SLIT1: variants seen among roughly 807,000 people sequenced by gnomAD.
SLIT1 encodes the protein slit homolog 1 protein.
SLIT1 carries 66 observed loss-of-function variants against 186.1 expected under a neutral mutation model. The observed-to-expected ratio is 0.35, with a 90% CI of 0.29 to 0.44. The LOEUF (loss-of-function observed/expected upper bound fraction) is 0.44, where lower values mean the gene tolerates loss of function less well. Ranked by LOEUF, SLIT1 falls within the 20% of genes least tolerant of loss-of-function variation. The pLI, the probability that SLIT1 is intolerant of heterozygous loss-of-function variation, is 1.00. For synonymous variants in SLIT1, 761 were observed against 833.8 expected (o/e 0.91, Z 1.50); for missense variants, 1,638 against 2,037.4 (o/e 0.80, Z 3.77).
chr10:97,015,480 A>G (rs1316137816), intron 28 of SLIT1, among the ~76,000 whole-genome samples: 2 of 152,228 alleles, frequency 1.3e-5, no homozygotes, highest in African/African-American at 4.8e-5. Context: ...CATGGCTATA[A>G]TAAAACTCCT....
At chr10:97,071,135 T>C (rs974210750) in intron 4 of SLIT1, among the ~76,000 whole-genome samples, 4 of 152,148 alleles carry the variant, frequency 2.6e-5, no homozygotes, top group Non-Finnish European at 5.9e-5. Flanking sequence ...TGGTTGCTTC[T>C]TTAGAGGATT....
intron 1 of SLIT1, among the ~76,000 whole-genome samples, chr10:97,182,525 C>T (rs921878320): frequency 2.6e-5 from 4 of 152,368 alleles, no homozygotes; most frequent in East Asian, 1.9e-4. Context: ...AGCTCTTTCA[C>T]GGGCTGCCTG....
At position 97,185,516 on chromosome 10, in the gene SLIT1, C is replaced by G; in HGVS notation, c.159G>C (p.Gln53His). ...TCCGAGGTATATTCTTGGGAATGGC[C>G]TGCAGCCCCGTGCCGTGGCAGTCCA... is the stretch of plus-strand genomic sequence containing the variant. ...TTVDCHGTGL[Q>H]AIPKNIPRNT... Residue 53 changes from glutamine (Q) to histidine (H), a missense_variant, in exon 1 of 37, where the codon CAG becomes CAC. Gln to His is a conservative substitution (Grantham distance 24). This residue lies in a region of SLIT1 where 1,245 missense variants were observed against 1,535.3 expected (regional missense o/e 0.81). Transcript: ENST00000266058. 1.2e-6 allele frequency: 2 copies of G among 1,612,442 alleles called. No individual in the cohort carries two copies. Among genetic ancestry groups the G allele is most frequent in the Non-Finnish European group, 1.7e-6 (2 of 1,179,714 alleles).
Position 97,001,270 on chromosome 10 carries a change from G to A in SLIT1, c.4447C>T (p.Leu1483=), listed in dbSNP as rs373041969. ...GAGCCCCGGCACTCCACCCATGACA[G>A]GGGGCGCGTGGTCTGGCAGATGGCA... ...GYAICQTTRP[L]SWVECRGSCP... is the part of the protein sequence containing the mutation. Residue 1483 remains leucine, a synonymous_variant, in exon 37 of 37, where the codon CTG becomes TTG. Coordinates refer to ENST00000266058, the MANE Select transcript of SLIT1 (RefSeq NM_003061.3). 11 of 1,613,134 alleles carry A rather than the reference G, an allele frequency of 6.8e-6. No individual in the cohort carries two copies. In the African/African-American group the frequency reaches 1.5e-4, roughly 22 times the overall value.
At chr10:97,030,856 T>A (rs1180773900) in intron 24 of SLIT1, 28 bp from the exon 25 acceptor site, 1 of 1,599,394 alleles carries the variant, frequency 6.3e-7, no homozygotes, top group Non-Finnish European at 8.6e-7. Context: ...TGCTGGTGCC[T>A]TATCCAGGGA....
chr10:97,047,669 G>A (rs755859622), intron 16 of SLIT1, 21 bp downstream of exon 16: 11 of 1,599,690 alleles, frequency 6.9e-6, no homozygotes, highest in Middle Eastern at 1.7e-4. Context: ...GGGGAGGGCT[G>A]GGGGGGCCAG....
intron 4 of SLIT1, among the ~76,000 whole-genome samples, chr10:97,067,199 C>T (rs1400947736): frequency 6.6e-6 from 1 of 152,200 alleles, no homozygotes. Context: ...TTCACACCTC[C>T]CCATGAACGC....
chr10:97,002,651 G>T, intron 35 of SLIT1, 53 bp downstream of exon 35: 1 of 1,454,120 alleles, frequency 6.9e-7, no homozygotes, highest in South Asian at 1.4e-5. Flanking sequence ...CCCTTCCCAT[G>T]GGGAAGGAAC....
At chr10:97,040,228 G>GA (rs1235726272) in intron 20 of SLIT1, 108 bp from the exon 21 acceptor site, 5 of 1,185,790 alleles carry the variant, frequency 4.2e-6, no homozygotes, top group Non-Finnish European at 5.7e-6. Flanking sequence ...AGACCCCTCT[G>GA]ACAGTACCTT....
At chr10:97,175,199 A>G (rs933605805) in intron 1 of SLIT1, among the ~76,000 whole-genome samples, 1 of 152,204 alleles carries the variant, frequency 6.6e-6, no homozygotes, top group Non-Finnish European at 1.5e-5. Context: ...AGGGTCATCC[A>G]TGTTGTAGCA....
At chr10:97,049,273 A>T (rs1366008790) in intron 13 of SLIT1, among the ~76,000 whole-genome samples, 155 bp from the exon 14 acceptor site, 1 of 151,922 alleles carries the variant, frequency 6.6e-6, no homozygotes, top group African/African-American at 2.4e-5. Context: ...AGTGGGGTGA[A>T]CCCCCAGGGT....
At position 97,109,334 on chromosome 10, in the gene SLIT1, G is replaced by T. The variant is rs190409034; in HGVS notation, c.414-43248C>A. Among the ~76,000 whole-genome samples the T allele has an allele frequency of 1.2e-3, 178 of 152,194 alleles. 1 individual carries two copies. Among genetic ancestry groups the T allele is most frequent in the Non-Finnish European group, 2.0e-3 (139 of 68,020 alleles). Reference sequence around the variant, plus strand: ...TTTGTTTTTAGCGATAATGATGCCCGCACTCCTATCTGTAATGAGTAGAGA... The same window carrying T: ...TTTGTTTTTAGCGATAATGATGCCCTCACTCCTATCTGTAATGAGTAGAGA... On this transcript the variant is annotated intron_variant, in intron 4 of 36. Coordinates refer to ENST00000266058, the MANE Select transcript of SLIT1 (RefSeq NM_003061.3).
At chr10:97,060,880 C>T (rs1848888573) in intron 8 of SLIT1, 93 bp from the exon 9 acceptor site, 1 of 1,333,806 alleles carries the variant, frequency 7.5e-7, no homozygotes, top group African/African-American at 1.5e-5. Flanking sequence ...AGGGTGTACA[C>T]TGGCAGTTTC....
chr10:97,064,929 G>A, intron 5 of SLIT1, 53 bp from the exon 6 acceptor site: 1 of 1,444,712 alleles, frequency 6.9e-7, no homozygotes, highest in South Asian at 1.2e-5. Flanking sequence ...TAGAGTAAGG[G>A]TGTCCAAACA....
intron 2 of SLIT1, 70 bp from the exon 3 acceptor site, chr10:97,163,521 C>A (rs373352546): frequency 2.9e-6 from 4 of 1,400,562 alleles, no homozygotes; most frequent in African/African-American, 1.4e-5. Context: ...GCTGGCACAA[C>A]GGCGGGGCAG....
At chr10:97,172,060 C>T (rs1215909993) in intron 1 of SLIT1, among the ~76,000 whole-genome samples, 11 of 148,050 alleles carry the variant, frequency 7.4e-5, no homozygotes, top group Non-Finnish European at 9.0e-5. Context: ...TTTTTTTTTT[C>T]GAGCCAGTGT....
At chr10:97,154,466 T>G (rs1399443045) in intron 4 of SLIT1, 2 of 151,782 alleles carry the variant, frequency 1.3e-5, no homozygotes, top group Admixed American at 1.3e-4. Context: ...AAAGTCTGCC[T>G]TCACCCAAAT....
chr10:97,002,181 A>T lies in SLIT1; in HGVS notation c.4343T>A (p.Phe1448Tyr). 6.7e-7 allele frequency: 1 copy of T among 1,494,368 alleles called. No homozygotes were observed. Among genetic ancestry groups the T allele is most frequent in the Non-Finnish European group, 9.0e-7 (1 of 1,115,604 alleles). 92.6% of individuals were successfully genotyped at this position (1,494,368 alleles called of 1,614,324 possible). Residue 1448 changes from phenylalanine to tyrosine, a missense_variant, in exon 36 of 37, where the codon TTT becomes TAT. Phe to Tyr is a conservative substitution (Grantham distance 22). Transcript: ENST00000266058. ...ACCTTGCTCACACAGCTCGCCCGAA[A>T]AGCCGGGGTCACACACACAGTGTGC... The part of the protein sequence containing the change: ...KGAHCVCDPG[F>Y]SGELCEQESE...
At chr10:97,111,366 C>T (rs1360377566) in intron 4 of SLIT1, among the ~76,000 whole-genome samples, 1 of 151,368 alleles carries the variant, frequency 6.6e-6, no homozygotes, top group Admixed American at 6.6e-5. Context: ...TCCATCATGT[C>T]ATCTACACAC....
Sources: allele counts gnomAD v4.1 joint callset (sites outside exome capture counted in the v4.1 genomes callset), GRCh38; gene constraint gnomAD v4.1.1; regional missense constraint gnomAD v4.1.1; transcripts MANE v1.5; gene names NCBI Gene and HGNC (gene_info 2026-07-23, HGNC 2026-07-21).